Variants in CFAP299 observed in about 807,000 individuals in gnomAD.
The protein encoded by CFAP299 is cilia- and flagella-associated protein 299.
CFAP299 carries 21 observed loss-of-function variants against 27.0 expected under a neutral mutation model. The observed-to-expected ratio is 0.78, with a 90% CI of 0.55 to 1.12. The LOEUF (loss-of-function observed/expected upper bound fraction) is 1.12, where lower values mean the gene tolerates loss of function less well. Among genes scored for constraint, CFAP299 ranks in the 50% most tolerant of loss-of-function variants. The probability of loss-of-function intolerance (pLI) is 0.00; values close to 1 mark genes in which losing one functional copy is unlikely to be tolerated. For missense variants in CFAP299, 310 were observed against 276.6 expected, an observed-to-expected ratio of 1.12 and a Z score of -0.86; for synonymous variants, 104 against 98.1, an observed-to-expected ratio of 1.06 and a Z score of -0.36.
chr4:80,684,877 C>T (rs1478348583), intron 3 of CFAP299, among the ~76,000 whole-genome samples: 1 of 151,826 alleles, frequency 6.6e-6, no homozygotes, highest in African/African-American at 2.4e-5. Context: ...GTTTGTTAAG[C>T]CCAGGTGCTT....
chr4:80,422,950 A>T (rs546762395), intron 2 of CFAP299, among the ~76,000 whole-genome samples: 24 of 152,188 alleles, frequency 1.6e-4, no homozygotes, highest in Non-Finnish European at 1.0e-4. Flanking sequence ...GGTACAGCCT[A>T]TTGCCCCTAC....
chr4:80,442,645 G>T (rs187573025), intron 2 of CFAP299, among the ~76,000 whole-genome samples: 2 of 150,850 alleles, frequency 1.3e-5, no homozygotes, highest in Non-Finnish European at 3.0e-5. Context: ...AGAGAAACAA[G>T]AGCAAATTCA....
intron 3 of CFAP299, among the ~76,000 whole-genome samples, chr4:80,604,422 C>T (rs4693495): frequency 0.64 from 96,622 of 152,024 alleles, 33,780 homozygotes; most frequent in Non-Finnish European, 0.78. Flanking sequence ...GGGCATCAGT[C>T]CAGTGCTCCG....
chr4:80,432,574 C>T (rs897253627), intron 2 of CFAP299, among the ~76,000 whole-genome samples: 3 of 144,042 alleles, frequency 2.1e-5, no homozygotes, highest in Admixed American at 7.2e-5. Context: ...ACTCTGTCGC[C>T]CAGGCTGGAG....
chr4:80,714,251 T>C (rs993958321), intron 3 of CFAP299, among the ~76,000 whole-genome samples: 1 of 152,076 alleles, frequency 6.6e-6, no homozygotes, highest in Non-Finnish European at 1.5e-5. Flanking sequence ...AGAGAGAAGC[T>C]TCCATAATGC....
intron 2 of CFAP299, among the ~76,000 whole-genome samples, chr4:80,409,799 C>T (rs80323132): frequency 0.017 from 2,601 of 152,148 alleles, 73 homozygotes; most frequent in African/African-American, 0.058. Context: ...CAAAGCAAGA[C>T]GTAGAAAGAG....
Position 80,474,737 on chromosome 4 carries a change from A to G in CFAP299, c.243-108356A>G, listed in dbSNP as rs899864642. On this transcript the variant is annotated intron_variant, in intron 2 of 5. Coordinates refer to ENST00000358105, the MANE Select transcript of CFAP299 (RefSeq NM_152770.3). The stretch of plus-strand genomic sequence containing the variant: ...TAAAGAATATGTTTATAAATTGACT[A>G]TCAATTTATTCAACAATATTATTTG... Among the ~76,000 whole-genome samples, 6 of 152,236 alleles carry G rather than the reference A, an allele frequency of 3.9e-5. No individual in the cohort carries two copies. In the South Asian group the frequency reaches 6.2e-4, roughly 16 times the overall value.
intron 3 of CFAP299, among the ~76,000 whole-genome samples, chr4:80,777,354 C>T (rs563580684): frequency 4.6e-5 from 7 of 152,120 alleles, no homozygotes; most frequent in Non-Finnish European, 8.8e-5. Context: ...CTACTCATTT[C>T]TATGGCTGAG....
intron 1 of CFAP299, among the ~76,000 whole-genome samples, chr4:80,354,586 A>T (rs1237920450): frequency 6.6e-6 from 1 of 152,052 alleles, no homozygotes; most frequent in Non-Finnish European, 1.5e-5. Context: ...TAAAAGTGTC[A>T]TGGGGATTTG....
Position 80,722,935 on chromosome 4 carries a change from A to G in CFAP299, c.333+139752A>G, listed in dbSNP as rs1722925345. ...AAAAAAAAATCAATAATAAAAGTAG[A>G]ACAGATTTGAACAGACACTTTACCA... On this transcript the variant is annotated intron_variant, in intron 3 of 5. Coordinates refer to ENST00000358105, the MANE Select transcript of CFAP299 (RefSeq NM_152770.3). Among the ~76,000 whole-genome samples, 3 of 152,182 alleles carry G rather than the reference A, an allele frequency of 2.0e-5. No individual in the cohort carries two copies. The South Asian group carries it at 6.2e-4, about 32-fold the overall frequency.
intron 2 of CFAP299, among the ~76,000 whole-genome samples, chr4:80,540,181 T>A (rs1203091816): frequency 3.3e-5 from 5 of 152,246 alleles, no homozygotes; most frequent in African/African-American, 1.2e-4. Flanking sequence ...TTTCAATAAG[T>A]TTCCTTTATG....
In CFAP299 at chr4:80,391,524, A is replaced by G. The variant is rs546637574; in HGVS notation, c.242+28640A>G. Among the ~76,000 whole-genome samples the G allele has an allele frequency of 5.6e-4, 85 of 152,294 alleles. 1 individual carries two copies. Among genetic ancestry groups the G allele is most frequent in the African/African-American group, 1.9e-3 (81 of 41,554 alleles). On this transcript the variant is annotated intron_variant, in intron 2 of 5. Coordinates refer to ENST00000358105, the MANE Select transcript of CFAP299 (RefSeq NM_152770.3). ...ACACTGTATAACAACATTTTGATCA[A>G]TGACAGACTGCGTATGCAAGGTGGT...
intron 3 of CFAP299, among the ~76,000 whole-genome samples, chr4:80,641,190 T>A (rs1321340148): frequency 6.6e-6 from 1 of 152,082 alleles, no homozygotes; most frequent in Non-Finnish European, 1.5e-5. Flanking sequence ...ATAACATATT[T>A]AGCTATATAA....
chr4:80,823,332 A>G (rs1729809708), intron 3 of CFAP299, among the ~76,000 whole-genome samples: 1 of 152,178 alleles, frequency 6.6e-6, no homozygotes, highest in South Asian at 2.1e-4. Flanking sequence ...TAATTACATT[A>G]TATATTGATA....
chr4:80,902,264 A>T (rs1004158186), intron 4 of CFAP299, among the ~76,000 whole-genome samples: 2 of 150,778 alleles, frequency 1.3e-5, no homozygotes, highest in Admixed American at 1.3e-4. Flanking sequence ...GTTAACAGCA[A>T]ATCTGTGGCA....
intron 3 of CFAP299, among the ~76,000 whole-genome samples, chr4:80,612,964 C>T (rs917410442): frequency 1.3e-5 from 2 of 151,996 alleles, no homozygotes; most frequent in Non-Finnish European, 2.9e-5. Context: ...AGACTAACAG[C>T]CTAGGACAGA....
At chr4:80,458,718 G>T (rs1729292246) in intron 2 of CFAP299, among the ~76,000 whole-genome samples, 1 of 152,172 alleles carries the variant, frequency 6.6e-6, no homozygotes, top group South Asian at 2.1e-4. Flanking sequence ...CACAGAAGAT[G>T]CAGCCTTCCC....
intron 3 of CFAP299, among the ~76,000 whole-genome samples, chr4:80,616,220 T>A (rs1738267074): frequency 6.6e-6 from 1 of 152,136 alleles, no homozygotes; most frequent in Admixed American, 6.5e-5. Context: ...CCCATGTGAC[T>A]CTTCCTTGTG....
chr4:80,850,356 A>G (rs1039779152), intron 3 of CFAP299, among the ~76,000 whole-genome samples: 14 of 152,064 alleles, frequency 9.2e-5, no homozygotes, highest in African/African-American at 3.4e-4. Flanking sequence ...AAATATCAGT[A>G]TTAATATGTT....
Sources: allele counts gnomAD v4.1 joint callset (sites outside exome capture counted in the v4.1 genomes callset), GRCh38; gene constraint gnomAD v4.1.1; transcripts MANE v1.5; gene names NCBI Gene and HGNC (gene_info 2026-07-23, HGNC 2026-07-21).